The following NR2C2 variants were observed in gnomAD, a reference collection of about 807,000 sequenced individuals.
NR2C2 encodes the protein Nuclear hormone receptor TR4.
A neutral mutation model predicts 62.9 loss-of-function variants in NR2C2; 6 were observed. That is an observed-to-expected ratio of 0.10 (90% CI 0.05 to 0.19). The LOEUF (loss-of-function observed/expected upper bound fraction) is 0.19, where lower values mean the gene tolerates loss of function less well. Ranked by LOEUF, NR2C2 falls within the 10% of genes least tolerant of loss-of-function variation. NR2C2 has a pLI of 1.00. For missense variants in NR2C2, 479 were observed against 762.7 expected (o/e 0.63, Z 4.38); for synonymous variants, 272 against 273.8 (o/e 0.99, Z 0.07).
chr3:14,995,110 C>CA (rs1438732022), intron 1 of NR2C2, among the ~76,000 whole-genome samples: 1 of 150,432 alleles, frequency 6.6e-6, no homozygotes, highest in Non-Finnish European at 1.5e-5. Context: ...GTGAGTCTCC[C>CA]ACCTCAGCCT....
At chr3:14,983,498 C>A (rs1253474654) in intron 1 of NR2C2, among the ~76,000 whole-genome samples, 2 of 150,506 alleles carry the variant, frequency 1.3e-5, no homozygotes, top group Non-Finnish European at 3.0e-5. Context: ...CACACACATT[C>A]TTAGTTTGCT....
intron 1 of NR2C2, among the ~76,000 whole-genome samples, chr3:15,001,315 T>G (rs1312136208): frequency 1.4e-5 from 2 of 142,234 alleles, no homozygotes; most frequent in Middle Eastern, 3.3e-3. Context: ...GTTTTTGTTT[T>G]GGGTTTTTTT....
intron 3 of NR2C2, 62 bp from the exon 4 acceptor site, chr3:15,016,086 GCCAC>G (rs1168039515): frequency 8.5e-5 from 106 of 1,250,416 alleles, no homozygotes; most frequent in Non-Finnish European, 1.1e-4. Context: ...ATAGACGTGA[GCCAC>G]CGTGCCCGGC....
chr3:14,967,464 C>A (rs2039890980), intron 1 of NR2C2, among the ~76,000 whole-genome samples: 2 of 151,934 alleles, frequency 1.3e-5, no homozygotes, highest in African/African-American at 4.8e-5. Context: ...TTGGAAACCT[C>A]ATACGTTGCT....
chr3:14,954,136 T>C (rs2039452689), intron 1 of NR2C2, among the ~76,000 whole-genome samples: 1 of 152,138 alleles, frequency 6.6e-6, no homozygotes. Flanking sequence ...ACCCTGGAAT[T>C]GAAAAATCAT....
chr3:14,965,931 A>G (rs984152420), intron 1 of NR2C2, among the ~76,000 whole-genome samples: 1 of 152,044 alleles, frequency 6.6e-6, no homozygotes, highest in African/African-American at 2.4e-5. Flanking sequence ...AGCCTCCCAA[A>G]GTGCTGGGAT....
chr3:15,009,210 G>A (rs2041280936), intron 2 of NR2C2, among the ~76,000 whole-genome samples: 1 of 152,182 alleles, frequency 6.6e-6, no homozygotes, highest in African/African-American at 2.4e-5. Flanking sequence ...CAACAAGAGC[G>A]AAACTCCGTC....
chr3:14,973,340 C>T (rs1401387698), intron 1 of NR2C2, among the ~76,000 whole-genome samples: 1 of 152,004 alleles, frequency 6.6e-6, no homozygotes, highest in Non-Finnish European at 1.5e-5. Flanking sequence ...GTTCTCATGC[C>T]TCAGCCTCCT....
rs548393239 is a variant in NR2C2, at chr3:15,048,728, G to A, written c.*5720G>A. 6.6e-6 allele frequency: 1 copy of A among 152,664 alleles called. No homozygotes were observed. Among genetic ancestry groups the A allele is most frequent in the South Asian group, 2.1e-4 (1 of 4,828 alleles). 9.5% of individuals were successfully genotyped at this position (152,664 alleles called of 1,614,324 possible). On this transcript the variant is annotated 3_prime_UTR_variant, in exon 14 of 14. Coordinates refer to ENST00000425241, the MANE Select transcript of NR2C2 (RefSeq NM_001291694.2). ...TTTTCTACAGTCTCTCTGTTCTACG[G>A]ATTATCTTGTAAACCAGTGTTCAAC...
chr3:14,996,511 C>G (rs2040835849), intron 1 of NR2C2, among the ~76,000 whole-genome samples: 1 of 152,182 alleles, frequency 6.6e-6, no homozygotes, highest in Non-Finnish European at 1.5e-5. Context: ...AAAGTAGTAA[C>G]AATATGTCCA....
intron 1 of NR2C2, among the ~76,000 whole-genome samples, chr3:14,952,202 G>C (rs777422433): frequency 1.3e-5 from 2 of 152,226 alleles, no homozygotes; most frequent in African/African-American, 4.8e-5. Context: ...ACAGGGAGGT[G>C]GGAGCCAGCA....
chr3:14,972,244 G>A (rs2040066502), intron 1 of NR2C2, among the ~76,000 whole-genome samples: 1 of 139,592 alleles, frequency 7.2e-6, no homozygotes, highest in Non-Finnish European at 1.5e-5. Context: ...GCATCATTTC[G>A]GCTCACTGTA....
intron 4 of NR2C2, among the ~76,000 whole-genome samples, chr3:15,018,002 G>A (rs2041558672): frequency 6.6e-6 from 1 of 152,102 alleles, no homozygotes; most frequent in African/African-American, 2.4e-5. Flanking sequence ...CTGAAGGAGG[G>A]GCCGCTTTTT....
intron 1 of NR2C2, among the ~76,000 whole-genome samples, chr3:14,974,972 T>C (rs1199903253): frequency 1.3e-5 from 2 of 152,256 alleles, no homozygotes; most frequent in Non-Finnish European, 2.9e-5. Flanking sequence ...TTAAATTTAA[T>C]CCTGAACATT....
At position 14,987,087 on chromosome 3, in the gene NR2C2, TTTTTA is replaced by T. The variant is rs367991461; in HGVS notation, c.-39-16780_-39-16776del. Among the ~76,000 whole-genome samples the T allele has an allele frequency of 6.0e-3, 912 of 152,286 alleles. 7 individuals are homozygous for T. The highest frequency in any genetic ancestry group is 0.012 in the Admixed American group (177 of 15,294). ...ATGGGTAAGAAGAGTTTTTATTTAT[TTTTTA>T]TTTTATTTGAGGCAGATTCTCACTC... On this transcript the variant is annotated intron_variant, in intron 1 of 13. Transcript: ENST00000425241.
intron 13 of NR2C2, among the ~76,000 whole-genome samples, chr3:15,041,102 G>A (rs898588930): frequency 6.6e-6 from 1 of 152,162 alleles, no homozygotes; most frequent in African/African-American, 2.4e-5. Flanking sequence ...AAATGATAAG[G>A]GAGGCTTTCT....
intron 2 of NR2C2, among the ~76,000 whole-genome samples, chr3:15,007,243 T>A (rs2124950962): frequency 6.6e-6 from 1 of 151,680 alleles, no homozygotes; most frequent in South Asian, 2.1e-4. Context: ...TTCTCCTGCC[T>A]CAGCCTGCCG....
At chr3:14,997,328 T>C (rs574051029) in intron 1 of NR2C2, among the ~76,000 whole-genome samples, 73 of 152,352 alleles carry the variant, frequency 4.8e-4, no homozygotes, top group African/African-American at 1.7e-3. Flanking sequence ...CATGATGAAA[T>C]GACCTAATGA....
rs551116622 is a variant in NR2C2, at chr3:14,954,799, G to A, written c.-40+6893G>A. Among the ~76,000 whole-genome samples, 5 of 152,164 alleles carry A rather than the reference G, an allele frequency of 3.3e-5. No individual in the cohort carries two copies. In the South Asian group the frequency reaches 1.0e-3, roughly 32 times the overall value. ...TGTGTGTTCTGTGTGTTCAGTTAGT[G>A]AAAATTCATCAAACTGTTCATTTAC... On this transcript the variant is annotated intron_variant, in intron 1 of 13. Transcript: ENST00000425241.
Sources: allele counts gnomAD v4.1 joint callset (sites outside exome capture counted in the v4.1 genomes callset), GRCh38; gene constraint gnomAD v4.1.1; transcripts MANE v1.5; gene names NCBI Gene and HGNC (gene_info 2026-07-23, HGNC 2026-07-21).